Variants in SMARCC1 observed in about 807,000 individuals in gnomAD.
SMARCC1 encodes SWI/SNF complex subunit SMARCC1.
Under a neutral mutation model 147.4 loss-of-function variants are expected in SMARCC1, and 43 were observed. The ratio of observed to expected loss-of-function variants is 0.29; its 90% CI spans 0.23 to 0.38. The LOEUF is 0.38. Ranked by LOEUF, SMARCC1 falls within the 10% of genes least tolerant of loss-of-function variation. The probability of loss-of-function intolerance (pLI) is 1.00; values close to 1 mark genes in which losing one functional copy is unlikely to be tolerated. For missense variants in SMARCC1, 1,119 were observed against 1,381.1 expected (o/e 0.81, Z 3.01); for synonymous variants, 495 against 484.4 (o/e 1.02, Z -0.29).
rs754574858 is a variant in SMARCC1 at position 47,772,837 on chromosome 3, G to A, written c.295C>T (p.Pro99Ser). The part of the protein sequence containing the change: ...EDAFGKHVTN[P>S]AFTKLPAKCF... ...CTTACAGGGAGTTTGGTGAAGGCCGGGTTGGTGACATGCTTCCCAAAGGCA... is the reference window on the plus strand; with the variant it reads ...CTTACAGGGAGTTTGGTGAAGGCCGAGTTGGTGACATGCTTCCCAAAGGCA... Residue 99 changes from proline to serine, a missense_variant, in exon 2 of 28, where the codon CCG (proline) becomes TCG (serine). Physicochemically the swap from Pro to Ser is moderately conservative, Grantham distance 74 (BLOSUM62 -1). Coordinates refer to ENST00000254480, the MANE Select transcript of SMARCC1 (RefSeq NM_003074.4). 1.9e-6 allele frequency: 3 copies of A among 1,612,934 alleles called. No individual in the cohort carries two copies. The highest frequency in any genetic ancestry group is 2.5e-6 in the Non-Finnish European group (3 of 1,179,268).
At chr3:47,695,063 G>A (rs956637361) in intron 11 of SMARCC1, among the ~76,000 whole-genome samples, 2 of 152,194 alleles carry the variant, frequency 1.3e-5, no homozygotes, top group African/African-American at 2.4e-5. Flanking sequence ...GGGAAAAAAT[G>A]TGTGCTCACA....
At chr3:47,597,751 T>G (rs540022443) in intron 26 of SMARCC1, among the ~76,000 whole-genome samples, 2 of 152,326 alleles carry the variant, frequency 1.3e-5, no homozygotes, top group East Asian at 3.9e-4. Context: ...TGTGAGCTAT[T>G]GTGCCCAGCC....
At chr3:47,714,794 GAAACAAAACA>G (rs200780386) in intron 7 of SMARCC1, among the ~76,000 whole-genome samples, 3 of 151,788 alleles carry the variant, frequency 2.0e-5, no homozygotes, top group Admixed American at 6.6e-5. Context: ...ACCCTATCTC[GAAACAAAACA>G]AAACAAAACA....
chr3:47,599,293 G>C lies in SMARCC1; in HGVS notation c.3044-8456C>G, dbSNP rs2032348676. ...AGCTACTTGGGAAGCTGAGGCAAGA[G>C]AATCACTTGAACCCGGGAGGTAGAG... On this transcript the variant is annotated intron_variant, in intron 26 of 27. Transcript: ENST00000254480. Among the ~76,000 whole-genome samples the C allele has an allele frequency of 2.0e-5, 3 of 152,026 alleles. No homozygotes were observed. The South Asian group carries it at 6.2e-4, about 32-fold the overall frequency.
chr3:47,722,591 T>G (rs114767526), intron 6 of SMARCC1, among the ~76,000 whole-genome samples: 331 of 152,260 alleles, frequency 2.2e-3, no homozygotes, highest in African/African-American at 7.7e-3. Context: ...CCGCTGTGCC[T>G]GGCCAAAAAA....
intron 3 of SMARCC1, among the ~76,000 whole-genome samples, chr3:47,742,193 G>T (rs1303617087): frequency 6.6e-6 from 1 of 150,766 alleles, no homozygotes; most frequent in East Asian, 1.9e-4. Flanking sequence ...TGTATTATTA[G>T]AAAGCAAAAC....
chr3:47,603,037 A>G (rs891003659), intron 26 of SMARCC1, among the ~76,000 whole-genome samples: 14 of 152,182 alleles, frequency 9.2e-5, no homozygotes, highest in African/African-American at 3.4e-4. Flanking sequence ...GTAATTATAC[A>G]CTAGATTTCT....
At chr3:47,708,262 TC>T (rs1178752345) in intron 9 of SMARCC1, among the ~76,000 whole-genome samples, 4 of 151,658 alleles carry the variant, frequency 2.6e-5, no homozygotes, top group Non-Finnish European at 4.4e-5. Context: ...CACCTCAGCC[TC>T]CCATGTAGCT....
At chr3:47,659,097 G>A in intron 21 of SMARCC1, among the ~76,000 whole-genome samples, 1 of 128,354 alleles carries the variant, frequency 7.8e-6, no homozygotes, top group Admixed American at 9.1e-5. Context: ...CAGCCTGGGT[G>A]ACAGAGTGAG....
chr3:47,628,765 C>T (rs555264590), intron 24 of SMARCC1, among the ~76,000 whole-genome samples: 5 of 152,188 alleles, frequency 3.3e-5, no homozygotes, highest in African/African-American at 1.2e-4. Flanking sequence ...GGGGTTTCAC[C>T]GTGTTGGCCA....
intron 26 of SMARCC1, among the ~76,000 whole-genome samples, chr3:47,600,806 G>A (rs948774196): frequency 6.6e-6 from 1 of 151,984 alleles, no homozygotes; most frequent in African/African-American, 2.4e-5. Context: ...GTCTGATATA[G>A]GTCTCACCAC....
At position 47,710,843 on chromosome 3, in the gene SMARCC1, A is replaced by G. The variant is rs752223966; in HGVS notation, c.793-35T>C. Reference sequence around the variant, plus strand: ...TATCAAAGCATCAATATCTACATAAATAACAAAATCACTCAAGGTTTTACA... The same window carrying G: ...TATCAAAGCATCAATATCTACATAAGTAACAAAATCACTCAAGGTTTTACA... On this transcript the variant is annotated intron_variant, in intron 8 of 27. Coordinates refer to ENST00000254480, the MANE Select transcript of SMARCC1 (RefSeq NM_003074.4). 1.9e-5 allele frequency: 30 copies of G among 1,564,982 alleles called. No homozygotes were observed. In the Middle Eastern group the frequency reaches 1.2e-3, roughly 62 times the overall value.
intron 27 of SMARCC1, 137 bp downstream of exon 27, chr3:47,590,524 C>T (rs926747361): frequency 1.9e-5 from 13 of 669,284 alleles, no homozygotes; most frequent in African/African-American, 9.6e-5. Flanking sequence ...GAAAACTGGT[C>T]TTTGAGAAGC....
intron 12 of SMARCC1, 32 bp downstream of exon 12, chr3:47,693,209 C>T (rs186599091): frequency 1.0e-5 from 13 of 1,255,018 alleles, no homozygotes; most frequent in Admixed American, 1.7e-5. Flanking sequence ...AGACAGAAAG[C>T]ACAGACCAGT....
intron 3 of SMARCC1, among the ~76,000 whole-genome samples, chr3:47,739,007 A>T (rs981784260): frequency 2.6e-5 from 4 of 152,236 alleles, no homozygotes; most frequent in Non-Finnish European, 5.9e-5. Context: ...GTTCCCAAGC[A>T]TGTCACCTCC....
At chr3:47,670,576 CCTGCCT>C (rs2033481541) in intron 19 of SMARCC1, 76 bp downstream of exon 19, 1 of 928,500 alleles carries the variant, frequency 1.1e-6, no homozygotes, top group African/African-American at 1.6e-5. Flanking sequence ...ACAGCGAGAC[CCTGCCT>C]CTAAATAAAA....
At chr3:47,716,172 T>C (rs1199089761) in intron 7 of SMARCC1, among the ~76,000 whole-genome samples, 2 of 151,602 alleles carry the variant, frequency 1.3e-5, no homozygotes, top group African/African-American at 2.4e-5. Flanking sequence ...TTCCAGCACT[T>C]TGGGAGGCCA....
Position 47,590,751 on chromosome 3 carries a change from AG to A in SMARCC1, c.3129del (p.Ser1044LeufsTer18). The A allele has an allele frequency of 6.2e-7, 1 of 1,603,828 alleles. No homozygotes were observed. The highest frequency in any genetic ancestry group is 8.5e-7 in the Non-Finnish European group (1 of 1,176,010). On this transcript the variant is annotated frameshift_variant, in exon 27 of 28. Transcript: ENST00000254480. LOFTEE classifies it high-confidence loss of function. ...MIPTVAANIH[P>X]SGSGPTPPGM... ...CCAGGAGGGGTAGGGCCACTCCCAGAGGGGTGGATGTTGGCTGCAACAGTGG... is the reference window on the plus strand; with the variant it reads ...CCAGGAGGGGTAGGGCCACTCCCAGAGGGTGGATGTTGGCTGCAACAGTGG...
chr3:47,723,541 C>A (rs1320907189), intron 6 of SMARCC1, among the ~76,000 whole-genome samples: 1 of 151,924 alleles, frequency 6.6e-6, no homozygotes, highest in African/African-American at 2.4e-5. Flanking sequence ...AGGCCAGGCA[C>A]AGTGGCTCAC....
Sources: allele counts gnomAD v4.1 joint callset (sites outside exome capture counted in the v4.1 genomes callset), GRCh38; gene constraint gnomAD v4.1.1; transcripts MANE v1.5; gene names NCBI Gene and HGNC (gene_info 2026-07-23, HGNC 2026-07-21).